ASH1L: variants seen among roughly 807,000 people sequenced by gnomAD.
ASH1L encodes the protein ASH1 like histone lysine methyltransferase.
A neutral mutation model predicts 269.0 loss-of-function variants in ASH1L; 23 were observed. The ratio of observed to expected loss-of-function variants is 0.09; its 90% CI spans 0.06 to 0.12. ASH1L has a LOEUF of 0.12. ASH1L is among the 10% of genes least tolerant of loss of function. The pLI, the probability that ASH1L is intolerant of heterozygous loss-of-function variation, is 1.00. For synonymous variants in ASH1L, 1,187 were observed against 1,253.5 expected (o/e 0.95, Z 1.12); for missense variants, 2,912 against 3,567.8 (o/e 0.82, Z 4.68).
In ASH1L at chr1:155,338,385, G is replaced by C; in HGVS notation, c.8507C>G (p.Ser2836Cys). Residue 2836 changes from serine to cysteine, a missense_variant, in exon 27 of 28, where the codon TCC (serine) becomes TGC (cysteine). This residue lies in a region of ASH1L where 154 missense variants were observed against 165.0 expected (regional missense o/e 0.93). Coordinates refer to ENST00000392403, the MANE Select transcript of ASH1L (RefSeq NM_018489.3). ...DNYKRNGGRSSWKSERSKPPL... is the reference protein window; with the variant it reads ...DNYKRNGGRSCWKSERSKPPL... The stretch of plus-strand genomic sequence containing the variant: ...TGGCTTTGAGCGCTCAGACTTCCAG[G>C]ATGATCTGCCAGAAGGATATCTGAA... 1.2e-6 allele frequency: 2 copies of C among 1,611,898 alleles called. No homozygotes were observed. Among genetic ancestry groups the C allele is most frequent in the Non-Finnish European group, 1.7e-6 (2 of 1,178,564 alleles).
At chr1:155,395,054 AG>A (rs778818826) in intron 7 of ASH1L, among the ~76,000 whole-genome samples, 16 of 152,160 alleles carry the variant, frequency 1.1e-4, no homozygotes, top group Non-Finnish European at 1.9e-4. Flanking sequence ...CTCTCACCTC[AG>A]CCTCCAGAGT....
chr1:155,543,173 G>A (rs1670555039), intron 1 of ASH1L, among the ~76,000 whole-genome samples: 1 of 151,976 alleles, frequency 6.6e-6, no homozygotes, highest in South Asian at 2.1e-4. Flanking sequence ...AACAAAATAT[G>A]GATTAGTGGC....
At chr1:155,487,369 A>G (rs1479310593) in intron 2 of ASH1L, among the ~76,000 whole-genome samples, 1 of 152,046 alleles carries the variant, frequency 6.6e-6, no homozygotes, top group Non-Finnish European at 1.5e-5. Context: ...GGTGCTAGCA[A>G]TGTCATACTA....
rs766572070 is a variant in ASH1L at position 155,341,701 on chromosome 1, C to T, written c.8460+235G>A. ...GGCTCGCCAGCAAAGGTTAAACAGA[C>T]GAAAGAGAAAAGAGGAAAGGTATAA... On this transcript the variant is annotated intron_variant, in intron 25 of 27. Transcript: ENST00000392403. 5.3e-5 allele frequency among the ~76,000 whole-genome samples: 8 copies of T among 151,732 alleles called. 1 individual carries two copies. In the South Asian group the frequency reaches 8.3e-4, roughly 16 times the overall value.
rs1200761233 is a variant in ASH1L at position 155,357,333 on chromosome 1, T to C, written c.7038A>G (p.Pro2346=). Residue 2346 remains proline, a synonymous_variant, in exon 15 of 28, where the codon CCA becomes CCG. Coordinates refer to ENST00000392403, the MANE Select transcript of ASH1L (RefSeq NM_018489.3). ...TRLTPQLQMK[P]MSNRERNFVL... is the part of the protein sequence containing the mutation. ...CTTTTTACCTTTCACGATTGGACAT[T>C]GGCTTCATCTGTAATTGGGGGGTCA... 3 of 1,613,530 alleles carry C rather than the reference T, an allele frequency of 1.9e-6. No individual in the cohort carries two copies. Among genetic ancestry groups the C allele is most frequent in the African/African-American group, 2.7e-5 (2 of 74,866 alleles).
chr1:155,444,653 T>C (rs998530959), intron 4 of ASH1L, among the ~76,000 whole-genome samples: 1 of 152,058 alleles, frequency 6.6e-6, no homozygotes, highest in African/African-American at 2.4e-5. Context: ...TCTCGCTTTA[T>C]CACCCAGGCC....
At chr1:155,406,035 A>G (rs899236074) in intron 6 of ASH1L, among the ~76,000 whole-genome samples, 1 of 151,114 alleles carries the variant, frequency 6.6e-6, no homozygotes, top group Admixed American at 6.6e-5. Context: ...AAAACCCTGG[A>G]TCTACTAAAA....
chr1:155,338,228 G>T lies in ASH1L; in HGVS notation c.8664C>A (p.Val2888=). 6.2e-7 allele frequency: 1 copy of T among 1,613,862 alleles called. No individual in the cohort carries two copies. Among genetic ancestry groups the T allele is most frequent in the Non-Finnish European group, 8.5e-7 (1 of 1,179,986 alleles). ...EPEREGATAN[V]SEGEKKTEES... The stretch of plus-strand genomic sequence containing the variant: ...CCTCTGTTTTTTTTTCACCCTCACT[G>T]ACGTTAGCAGTGGCCCCTTCCCGTT... Residue 2888 remains valine, a synonymous_variant, in exon 27 of 28, where the codon GTC becomes GTA. Transcript: ENST00000392403.
At chr1:155,339,424 C>T in intron 25 of ASH1L, 56 bp from the exon 26 acceptor site, 2 of 1,550,708 alleles carry the variant, frequency 1.3e-6, no homozygotes, top group Non-Finnish European at 1.8e-6. Context: ...AGAGCTAGCT[C>T]TTCTCTGGGG....
At chr1:155,459,288 C>T (rs1664113157) in intron 4 of ASH1L, among the ~76,000 whole-genome samples, 1 of 152,028 alleles carries the variant, frequency 6.6e-6, no homozygotes, top group African/African-American at 2.4e-5. Flanking sequence ...CTCCGCCTCC[C>T]AGGTTCAAGA....
intron 1 of ASH1L, among the ~76,000 whole-genome samples, chr1:155,540,315 G>T (rs1019474785): frequency 6.6e-6 from 1 of 152,168 alleles, no homozygotes; most frequent in African/African-American, 2.4e-5. Flanking sequence ...AGAAATTGTT[G>T]TAAGGGTTCA....
At chr1:155,342,789 G>A (rs928986657) in intron 24 of ASH1L, among the ~76,000 whole-genome samples, 2 of 151,858 alleles carry the variant, frequency 1.3e-5, no homozygotes, top group African/African-American at 4.8e-5. Flanking sequence ...TGGTAGAGCT[G>A]GAATTTGAAA....
chr1:155,506,891 C>T (rs946286771), intron 2 of ASH1L, among the ~76,000 whole-genome samples: 1 of 152,014 alleles, frequency 6.6e-6, no homozygotes, highest in Non-Finnish European at 1.5e-5. Flanking sequence ...CCCAGGAGTT[C>T]AAGACCAGCC....
chr1:155,483,826 TAGG>T (rs953461677), intron 2 of ASH1L, among the ~76,000 whole-genome samples: 6 of 151,316 alleles, frequency 4.0e-5, no homozygotes, highest in African/African-American at 1.2e-4. Context: ...AAAACAAAAG[TAGG>T]AGGAGTAGGA....
chr1:155,337,789 T>A, intron 27 of ASH1L, 38 bp from the exon 28 acceptor site: 1 of 1,547,996 alleles, frequency 6.5e-7, no homozygotes, highest in Non-Finnish European at 8.9e-7. Flanking sequence ...AAAATACCAA[T>A]CTCCTACTCC....
rs1378959284 is a variant in ASH1L at position 155,360,413 on chromosome 1, T to TA, written c.6687-5dup. 1.3e-6 allele frequency: 2 copies of TA among 1,579,724 alleles called. No individual in the cohort carries two copies. Among genetic ancestry groups the TA allele is most frequent in the Admixed American group, 3.4e-5 (2 of 59,108 alleles). ...CCGGTATACTCCATTAACAGACCTG[T>TA]AAAGAGAGAAAACAGAGTTATAAAG... On this transcript the variant is annotated splice_polypyrimidine_tract_variant and splice_region_variant and intron_variant, in intron 12 of 27. Transcript: ENST00000392403.
At chr1:155,430,142 A>G (rs1362640542) in intron 5 of ASH1L, among the ~76,000 whole-genome samples, 1 of 151,954 alleles carries the variant, frequency 6.6e-6, no homozygotes, top group Non-Finnish European at 1.5e-5. Context: ...CACTTGGCTG[A>G]TTTTTAAGTT....
rs1652337115 is a variant in ASH1L at position 155,336,609 on chromosome 1, A to G, written c.*1051T>C. On this transcript the variant is annotated 3_prime_UTR_variant, in exon 28 of 28. Transcript: ENST00000392403. ...GATATACCTCCTGATGTCATTCAGG[A>G]GGGTGAGGGAAGATGGGCTAGGGGT... 6.6e-6 allele frequency: 1 copy of G among 152,640 alleles called. No individual in the cohort carries two copies. Among genetic ancestry groups the G allele is most frequent in the Non-Finnish European group, 1.5e-5 (1 of 68,014 alleles). 9.5% of individuals were successfully genotyped at this position (152,640 alleles called of 1,614,324 possible).
At chr1:155,490,614 TCACACACACACACA>T (rs144278501) in intron 2 of ASH1L, among the ~76,000 whole-genome samples, 2 of 142,310 alleles carry the variant, frequency 1.4e-5, no homozygotes, top group African/African-American at 2.7e-5. Flanking sequence ...CCAGACTACG[TCACACACACACACA>T]CACACACACA....
Sources: gnomAD v4.1 joint callset for allele counts (sites outside exome capture counted in the v4.1 genomes callset) on GRCh38, gnomAD v4.1.1 for gene constraint, gnomAD v4.1.1 regional missense constraint, MANE v1.5 for transcripts, NCBI Gene and HGNC (gene_info 2026-07-23, HGNC 2026-07-21) for gene names.